NT5C3A: variants seen among roughly 807,000 people sequenced by gnomAD.
NT5C3A encodes 5'-nucleotidase, cytosolic IIIA.
In NT5C3A, 23 loss-of-function variants were observed where a neutral mutation model predicts 40.0. The ratio of observed to expected loss-of-function variants is 0.58; its 90% CI spans 0.41 to 0.81. The LOEUF (loss-of-function observed/expected upper bound fraction) is 0.81. NT5C3A is among the 40% of genes least tolerant of loss of function. The probability of loss-of-function intolerance (pLI) is 0.00; values close to 1 mark genes in which losing one functional copy is unlikely to be tolerated. For synonymous variants in NT5C3A, 130 were observed against 141.4 expected (o/e 0.92, Z 0.57); for missense variants, 328 against 403.0 (o/e 0.81, Z 1.59).
At chr7:33,051,816 C>T (rs1171232245) in intron 1 of NT5C3A, among the ~76,000 whole-genome samples, 1 of 152,160 alleles carries the variant, frequency 6.6e-6, no homozygotes, top group African/African-American at 2.4e-5. Flanking sequence ...CCCAAAGCCT[C>T]TCTAGCAAAT....
intron 1 of NT5C3A, among the ~76,000 whole-genome samples, chr7:33,048,064 A>T (rs943501238): frequency 6.6e-6 from 1 of 151,934 alleles, no homozygotes; most frequent in African/African-American, 2.4e-5. Flanking sequence ...ATTTAAATAA[A>T]CTTTTAGAGG....
chr7:33,033,401 G>T (rs1478392535), intron 1 of NT5C3A, among the ~76,000 whole-genome samples: 1 of 152,136 alleles, frequency 6.6e-6, no homozygotes, highest in African/African-American at 2.4e-5. Flanking sequence ...TACATATTTG[G>T]TCTGTTTCTA....
chr7:33,026,353 GAAAAAAAA>G (rs1226260693), intron 2 of NT5C3A, among the ~76,000 whole-genome samples: 2 of 94,156 alleles, frequency 2.1e-5, no homozygotes, highest in Non-Finnish European at 3.8e-5. Flanking sequence ...CATCTCAAAA[GAAAAAAAA>G]AAAAAAAAAA....
At position 33,022,084 on chromosome 7, in the gene NT5C3A, C is replaced by G; in HGVS notation, c.323G>C (p.Cys108Ser). ...CPTCHNIIDNCKLVTDECRKK... is the reference protein window; with the variant it reads ...CPTCHNIIDNSKLVTDECRKK... ...TCTACATTCATCTGTAACCAGCTTACAGTTGTCAATGATATCTAAAGATAG... is the reference window on the plus strand; with the variant it reads ...TCTACATTCATCTGTAACCAGCTTAGAGTTGTCAATGATATCTAAAGATAG... The change falls in exon 4 of 9, where the codon TGT becomes TCT. Residue 108 changes from cysteine to serine, a missense_variant. Physicochemically the swap from Cys to Ser is moderately radical, Grantham distance 112. Transcript: ENST00000610140. The G allele has an allele frequency of 6.6e-7, 1 of 1,521,822 alleles. No homozygotes were observed. Among genetic ancestry groups the G allele is most frequent in the Non-Finnish European group, 9.1e-7 (1 of 1,097,158 alleles). 94.3% of individuals were successfully genotyped at this position (1,521,822 alleles called of 1,614,324 possible).
chr7:33,053,466 G>A (rs910556963), intron 1 of NT5C3A, among the ~76,000 whole-genome samples: 3 of 152,054 alleles, frequency 2.0e-5, no homozygotes, highest in Non-Finnish European at 4.4e-5. Context: ...GATTACAGGC[G>A]TGAGCCACCG....
intron 1 of NT5C3A, among the ~76,000 whole-genome samples, chr7:33,028,388 T>A (rs1003007901): frequency 6.6e-6 from 1 of 152,202 alleles, no homozygotes; most frequent in Non-Finnish European, 1.5e-5. Context: ...TGAAACTGAT[T>A]AGAGGAAAAA....
chr7:33,052,330 A>C (rs1019595996), intron 1 of NT5C3A, among the ~76,000 whole-genome samples: 5 of 151,922 alleles, frequency 3.3e-5, no homozygotes, highest in African/African-American at 1.2e-4. Flanking sequence ...CTAAAAATAC[A>C]AAATTAGCCA....
At chr7:33,046,908 A>G (rs1434614269) in intron 1 of NT5C3A, among the ~76,000 whole-genome samples, 7 of 151,154 alleles carry the variant, frequency 4.6e-5, no homozygotes, top group Admixed American at 4.6e-4. Context: ...GGTTCAAACA[A>G]TTCTACTGCC....
intron 1 of NT5C3A, among the ~76,000 whole-genome samples, chr7:33,061,584 T>C (rs1300673746): frequency 6.6e-6 from 1 of 152,196 alleles, no homozygotes; most frequent in Non-Finnish European, 1.5e-5. Flanking sequence ...GTACAACCAA[T>C]AGGACAAATC....
chr7:33,026,749 C>T, intron 2 of NT5C3A, 68 bp downstream of exon 2: 6 of 1,075,580 alleles, frequency 5.6e-6, no homozygotes, highest in Non-Finnish European at 7.2e-6. Context: ...CTGCTTCAGT[C>T]TCCCAAAGTG....
At chr7:33,044,005 G>A (rs1051574919) in intron 1 of NT5C3A, among the ~76,000 whole-genome samples, 2 of 151,854 alleles carry the variant, frequency 1.3e-5, no homozygotes, top group African/African-American at 4.8e-5. Flanking sequence ...GTGACTTAAT[G>A]TACAAGAGTT....
chr7:33,026,872 G>C lies in NT5C3A; in HGVS notation c.182C>G (p.Thr61Arg). The part of the protein sequence containing the change: ...QKSSVRIKNP[T>R]RVEEIICGLI... The stretch of plus-strand genomic sequence containing the variant: ...ACCACAGATAATTTCTTCTACTCTT[G>C]TAGGGTTCTTGATTCGAACTGAACT... The change falls in exon 2 of 9, where the codon ACA becomes AGA. Residue 61 changes from threonine to arginine, a missense_variant. By Grantham distance (71) the Thr-to-Arg change is moderately conservative. Coordinates refer to ENST00000610140, the MANE Select transcript of NT5C3A (RefSeq NM_001002010.5). The C allele has an allele frequency of 6.2e-7, 1 of 1,612,806 alleles. No individual in the cohort carries two copies. Among genetic ancestry groups the C allele is most frequent in the Non-Finnish European group, 8.5e-7 (1 of 1,179,698 alleles).
chr7:33,023,888 C>A (rs1365895464), intron 3 of NT5C3A, 151 bp downstream of exon 3: 3 of 621,726 alleles, frequency 4.8e-6, no homozygotes, highest in Non-Finnish European at 8.5e-6. Context: ...GGAAAAAAAA[C>A]CTCAAAAATA....
At chr7:33,030,180 C>T (rs1786167260) in intron 1 of NT5C3A, among the ~76,000 whole-genome samples, 1 of 152,108 alleles carries the variant, frequency 6.6e-6, no homozygotes, top group South Asian at 2.1e-4. Context: ...ACAATATAGC[C>T]TAAGAAAGAG....
chr7:33,038,346 T>A (rs1345314072), intron 1 of NT5C3A, among the ~76,000 whole-genome samples: 1 of 152,162 alleles, frequency 6.6e-6, no homozygotes, highest in Non-Finnish European at 1.5e-5. Context: ...CTTTATTCTC[T>A]ACCTCTGAAG....
At chr7:33,037,586 T>C (rs531632770) in intron 1 of NT5C3A, among the ~76,000 whole-genome samples, 2 of 152,284 alleles carry the variant, frequency 1.3e-5, no homozygotes, top group African/African-American at 4.8e-5. Flanking sequence ...CGGTCCCTAC[T>C]CCCTTCCATT....
chr7:33,060,909 G>C (rs779626549), intron 1 of NT5C3A, among the ~76,000 whole-genome samples: 10 of 152,068 alleles, frequency 6.6e-5, no homozygotes, highest in Non-Finnish European at 1.3e-4. Flanking sequence ...CTACTAGCAG[G>C]CTACACATAT....
chr7:33,047,024 C>T (rs1787186472), intron 1 of NT5C3A, among the ~76,000 whole-genome samples: 1 of 143,910 alleles, frequency 6.9e-6, no homozygotes. Context: ...GTAGGTTGGT[C>T]TTGAACTCCT....
At chr7:33,054,075 G>A (rs1787476262) in intron 1 of NT5C3A, among the ~76,000 whole-genome samples, 1 of 152,112 alleles carries the variant, frequency 6.6e-6, no homozygotes. Flanking sequence ...AGTTTAATGG[G>A]CTGGGCATGG....
Sources: gnomAD v4.1 joint callset for allele counts (sites outside exome capture counted in the v4.1 genomes callset) on GRCh38, gnomAD v4.1.1 for gene constraint, MANE v1.5 for transcripts, NCBI Gene and HGNC (gene_info 2026-07-23, HGNC 2026-07-21) for gene names.